The following MED13 variants were observed in gnomAD, a reference collection of about 807,000 sequenced individuals.
MED13 encodes mediator of RNA polymerase II transcription subunit 13.
MED13 carries 23 observed loss-of-function variants against 225.2 expected under a neutral mutation model. The observed-to-expected ratio is 0.10, with a 90% CI of 0.07 to 0.14. The LOEUF is 0.14. MED13 is among the 10% of genes least tolerant of loss of function. The pLI is 1.00. For missense variants in MED13, 2,197 were observed against 2,594.5 expected (o/e 0.85, Z 3.33); for synonymous variants, 942 against 889.2 (o/e 1.06, Z -1.06).
chr17:61,946,729 G>A (rs2079854521), intron 29 of MED13, 129 bp from the exon 30 acceptor site: 2 of 1,220,632 alleles, frequency 1.6e-6, no homozygotes, highest in South Asian at 1.4e-5. Context: ...TCCTTGAGGG[G>A]AAAGAAGCAA....
Position 61,943,669 on chromosome 17 carries a change from G to C in MED13, c.*2799C>G, listed in dbSNP as rs1299716868. On this transcript the variant is annotated 3_prime_UTR_variant, in exon 30 of 30. Transcript: ENST00000397786. ...TGGTGGCCTTCTGGCCAAACAATAAGGTGTACAGAAATTTATTCATACAGT... is the reference window on the plus strand; with the variant it reads ...TGGTGGCCTTCTGGCCAAACAATAACGTGTACAGAAATTTATTCATACAGT... The C allele has an allele frequency of 2.0e-5, 3 of 152,568 alleles. No individual in the cohort carries two copies. The highest frequency in any genetic ancestry group is 6.5e-5 in the Admixed American group (1 of 15,274). 9.5% of individuals were successfully genotyped at this position (152,568 alleles called of 1,614,324 possible). A position where few individuals can be genotyped will look rare whatever the true frequency, so the allele number is the denominator to read the frequency against.
At chr17:62,017,301 G>A (rs1178564232) in intron 8 of MED13, among the ~76,000 whole-genome samples, 1 of 147,668 alleles carries the variant, frequency 6.8e-6, no homozygotes, top group Non-Finnish European at 1.5e-5. Flanking sequence ...CATAAAAAGA[G>A]CGTAGACTCT....
At chr17:61,966,790 GT>G in intron 18 of MED13, 139 bp from the exon 19 acceptor site, 1 of 524,442 alleles carries the variant, frequency 1.9e-6, no homozygotes, top group Non-Finnish European at 3.0e-6. Flanking sequence ...TATCAAGGGT[GT>G]TTTTAGAAGT....
chr17:62,033,303 C>T (rs796695751), intron 5 of MED13, among the ~76,000 whole-genome samples: 20 of 152,280 alleles, frequency 1.3e-4, no homozygotes, highest in African/African-American at 4.8e-4. Context: ...AATGTTAAAA[C>T]ATCATACAAC....
rs200223529 is a variant in MED13 at position 61,955,705 on chromosome 17, C to A, written c.5757G>T (p.Pro1919=). 8.1e-6 allele frequency: 13 copies of A among 1,606,308 alleles called. No individual in the cohort carries two copies. Among genetic ancestry groups the A allele is most frequent in the Middle Eastern group, 1.7e-4 (1 of 6,028 alleles). The change falls in exon 25 of 30, where the codon CCG becomes CCT. Residue 1919 remains proline (P), a synonymous_variant. Transcript: ENST00000397786. ...CTGGCATAATAACAAAAGAGCCTTG[C>A]GGCTCCATTGCCACCAAGCAAGCAC... ...ILSACLVAME[P]QGSFVIMPDS...
chr17:62,030,294 G>T (rs915029866), intron 6 of MED13: 1 of 294,366 alleles, frequency 3.4e-6, no homozygotes, highest in Non-Finnish European at 6.3e-6. Context: ...GAGGTGGGCT[G>T]AGGGCAAGGA....
intron 3 of MED13, among the ~76,000 whole-genome samples, chr17:62,051,952 T>C (rs1213094294): frequency 1.3e-5 from 2 of 152,188 alleles, no homozygotes; most frequent in Non-Finnish European, 2.9e-5. Flanking sequence ...GAAGGAGGTA[T>C]CTATCATAAG....
chr17:61,985,225 A>G, intron 12 of MED13, 135 bp from the exon 13 acceptor site: 1 of 639,052 alleles, frequency 1.6e-6, no homozygotes, highest in Non-Finnish European at 2.7e-6. Flanking sequence ...ACAGCCAAAT[A>G]CATACTAGTG....
chr17:61,995,921 A>G (rs2080342982), intron 9 of MED13, among the ~76,000 whole-genome samples: 1 of 152,142 alleles, frequency 6.6e-6, no homozygotes, highest in Admixed American at 6.6e-5. Flanking sequence ...TTCACAATGG[A>G]AAGTGAAGTT....
intron 2 of MED13, among the ~76,000 whole-genome samples, chr17:62,054,373 A>C (rs1422086930): frequency 1.3e-5 from 2 of 152,180 alleles, no homozygotes; most frequent in African/African-American, 4.8e-5. Context: ...AAATGACAAT[A>C]TTTCAGAATT....
chr17:62,035,644 C>A, intron 3 of MED13, 36 bp from the exon 4 acceptor site: 1 of 1,567,020 alleles, frequency 6.4e-7, no homozygotes, highest in Non-Finnish European at 8.6e-7. Flanking sequence ...TTAGTGATGA[C>A]TAGTGGCCAA....
intron 3 of MED13, among the ~76,000 whole-genome samples, chr17:62,036,682 A>G (rs1442453946): frequency 1.3e-5 from 2 of 152,344 alleles, no homozygotes; most frequent in South Asian, 2.1e-4. Context: ...CAGAAGTGGG[A>G]AAATAGATGG....
At chr17:61,977,714 C>T (rs1346944100) in intron 16 of MED13, among the ~76,000 whole-genome samples, 1 of 152,174 alleles carries the variant, frequency 6.6e-6, no homozygotes, top group Non-Finnish European at 1.5e-5. Flanking sequence ...TCCCAAAGTG[C>T]TGGGATTACA....
At chr17:61,972,230 T>C (rs2143408079) in intron 17 of MED13, among the ~76,000 whole-genome samples, 1 of 152,288 alleles carries the variant, frequency 6.6e-6, no homozygotes, top group Admixed American at 6.5e-5. Flanking sequence ...GGCATTTTCA[T>C]CACAGCTGAC....
intron 2 of MED13, among the ~76,000 whole-genome samples, chr17:62,056,187 A>C (rs926141562): frequency 6.6e-6 from 1 of 152,228 alleles, no homozygotes; most frequent in South Asian, 2.1e-4. Context: ...TAGAAACAAG[A>C]AGCCTACTGA....
At chr17:62,061,323 A>T (rs1486296222) in intron 2 of MED13, among the ~76,000 whole-genome samples, 1 of 152,092 alleles carries the variant, frequency 6.6e-6, no homozygotes, top group African/African-American at 2.4e-5. Flanking sequence ...GTTCAAGACC[A>T]GCCTGGTCAA....
In MED13 at chr17:62,060,642, CT is replaced by C. The variant is rs1300573323; in HGVS notation, c.301+2424del. On this transcript the variant is annotated intron_variant, in intron 2 of 29. Transcript: ENST00000397786. ...CCCGCGGGACAGAATGAGACTCCGTCTCAAAAAAAAAAAAAAAACCAACCTC... is the reference window on the plus strand; with the variant it reads ...CCCGCGGGACAGAATGAGACTCCGTCCAAAAAAAAAAAAAAAACCAACCTC... Among the ~76,000 whole-genome samples, 5 of 128,806 alleles carry C rather than the reference CT, an allele frequency of 3.9e-5. No homozygotes were observed. In the East Asian group the frequency reaches 9.3e-4, roughly 24 times the overall value. 84.5% of individuals were successfully genotyped at this position (128,806 alleles called of 152,430 possible). A position where few individuals can be genotyped will look rare whatever the true frequency, so the allele number is the denominator to read the frequency against.
chr17:61,992,689 G>A (rs1225249863), intron 10 of MED13, 68 bp from the exon 11 acceptor site: 1 of 1,097,630 alleles, frequency 9.1e-7, no homozygotes, highest in Non-Finnish European at 1.4e-6. Context: ...ACCAATTATT[G>A]AGGAGCTGTG....
chr17:62,033,941 C>T lies in MED13; in HGVS notation c.660G>A (p.Gln220=). The change falls in exon 5 of 30, where the codon CAG becomes CAA. Residue 220 remains glutamine (Q), a synonymous_variant. Transcript: ENST00000397786. ...TAGCTGAATCAGACATCTTGAATGC[C>T]TGTCCTGTGAGAGTGCCATTTAGTC... ...PFGLNGTLTG[Q]AFKMSDSATK... 6.2e-7 allele frequency: 1 copy of T among 1,613,978 alleles called. No homozygotes were observed. Among genetic ancestry groups the T allele is most frequent in the East Asian group, 2.2e-5 (1 of 44,870 alleles).
Sources: gnomAD v4.1 joint callset for allele counts (sites outside exome capture counted in the v4.1 genomes callset) on GRCh38, gnomAD v4.1.1 for gene constraint, MANE v1.5 for transcripts, NCBI Gene and HGNC (gene_info 2026-07-23, HGNC 2026-07-21) for gene names.